DONSON: variants seen among roughly 807,000 people sequenced by gnomAD.
DONSON encodes the protein protein downstream neighbor of Son.
In DONSON, 43 loss-of-function variants were observed where a neutral mutation model predicts 62.1. The ratio of observed to expected loss-of-function variants is 0.69; its 90% CI spans 0.54 to 0.89. DONSON has a LOEUF of 0.89. Ranked by LOEUF, DONSON falls within the 40% of genes least tolerant of loss-of-function variation. DONSON has a pLI of 0.00. For missense variants in DONSON, 696 were observed against 697.5 expected (o/e 1.00, Z 0.03); for synonymous variants, 266 against 264.6 (o/e 1.01, Z -0.05).
rs767918490 is a variant in DONSON, at chr21:33,579,564, T to G, written c.1351-2A>C. 1 of 1,606,730 alleles carries G rather than the reference T, an allele frequency of 6.2e-7. No individual in the cohort carries two copies. On this transcript the variant is annotated splice_acceptor_variant, in intron 8 of 9. Coordinates refer to ENST00000303071, the MANE Select transcript of DONSON (RefSeq NM_017613.4). LOFTEE classifies it high-confidence loss of function. ...TGTCTTCACATTCACACTCCGTGCC[T>G]TCATGAAAATGTAAAGAAAAGGAAA... is the stretch of plus-strand genomic sequence containing the variant.
At chr21:33,580,681 A>C (rs2086497599) in intron 8 of DONSON, among the ~76,000 whole-genome samples, 1 of 151,818 alleles carries the variant, frequency 6.6e-6, no homozygotes, top group African/African-American at 2.4e-5. Flanking sequence ...CAGGAGTTCA[A>C]GACCAGCCTG....
rs924485427 is a variant in DONSON at position 33,581,982 on chromosome 21, T to A, written c.1120A>T (p.Ile374Phe). The stretch of plus-strand genomic sequence containing the variant: ...ATAGAAAGTATGTCTGGCTTTTTAA[T>A]TTTATCTTGCACACCCATCTCTTCC... ...WLEEMGVQDK[I>F]KKPDILSIKL... Residue 374 changes from isoleucine (I) to phenylalanine (F), a missense_variant, in exon 7 of 10, where the codon ATT (isoleucine) becomes TTT (phenylalanine). Physicochemically the swap from Ile to Phe is conservative, Grantham distance 21. Coordinates refer to ENST00000303071, the MANE Select transcript of DONSON (RefSeq NM_017613.4). The A allele has an allele frequency of 6.2e-7, 1 of 1,614,172 alleles. No individual in the cohort carries two copies. Among genetic ancestry groups the A allele is most frequent in the Admixed American group, 1.7e-5 (1 of 60,032 alleles).
intron 8 of DONSON, among the ~76,000 whole-genome samples, chr21:33,580,503 AAGC>A (rs2086495307): frequency 1.6e-5 from 2 of 124,866 alleles, no homozygotes; most frequent in East Asian, 4.6e-4. Flanking sequence ...AAAAAAAAAA[AAGC>A]AGGGCATGGC....
At chr21:33,581,242 G>T (rs999000132) in intron 8 of DONSON, 60 bp downstream of exon 8, 33 of 1,467,684 alleles carry the variant, frequency 2.2e-5, no homozygotes, top group South Asian at 1.3e-5. Context: ...TTTAAATCAA[G>T]AATTTATCCT....
chr21:33,581,537 C>T (rs779438610), intron 7 of DONSON, 37 bp from the exon 8 acceptor site: 3 of 1,568,630 alleles, frequency 1.9e-6, no homozygotes, highest in South Asian at 1.1e-5. Context: ...AAAAGCAAAT[C>T]TCACCTAATG....
At chr21:33,578,689 A>G (rs555349154) in intron 9 of DONSON, among the ~76,000 whole-genome samples, 1 of 152,182 alleles carries the variant, frequency 6.6e-6, no homozygotes, top group Non-Finnish European at 1.5e-5. Context: ...AACCTTAAGT[A>G]TGTTCAAAAT....
chr21:33,578,164 AAC>A lies in DONSON; in HGVS notation c.*141_*142del, dbSNP rs747332747. ...TAAAAATCTAATCTGAAAATAGTAA[AAC>A]ACATTTAAAACCTTAGATGCTACTG... On this transcript the variant is annotated 3_prime_UTR_variant, in exon 10 of 10. Transcript: ENST00000303071. 8.0e-5 allele frequency: 67 copies of A among 840,154 alleles called. No individual in the cohort carries two copies. Among genetic ancestry groups the A allele is most frequent in the Middle Eastern group, 3.8e-4 (1 of 2,652 alleles). 52.0% of individuals were successfully genotyped at this position (840,154 alleles called of 1,614,324 possible).
intron 8 of DONSON, among the ~76,000 whole-genome samples, chr21:33,580,277 G>A (rs7280365): frequency 6.8e-6 from 1 of 147,396 alleles, no homozygotes; most frequent in African/African-American, 2.5e-5. Context: ...AATGCAGGGC[G>A]GCCAGGTGCA....
intron 9 of DONSON, among the ~76,000 whole-genome samples, chr21:33,578,982 A>G (rs1215281131): frequency 6.6e-6 from 1 of 152,102 alleles, no homozygotes; most frequent in Non-Finnish European, 1.5e-5. Flanking sequence ...TAATAAAGAT[A>G]CAAAAAATAG....
chr21:33,585,815 A>G (rs2086571002), intron 3 of DONSON, among the ~76,000 whole-genome samples, 163 bp downstream of exon 3: 1 of 152,162 alleles, frequency 6.6e-6, no homozygotes, highest in Non-Finnish European at 1.5e-5. Flanking sequence ...AAAGGTATGA[A>G]AGCACCATAA....
At chr21:33,584,909 G>A (rs1601316508) in intron 3 of DONSON, 141 bp from the exon 4 acceptor site, 7 of 669,820 alleles carry the variant, frequency 1.0e-5, no homozygotes, top group Non-Finnish European at 1.3e-5. Flanking sequence ...TTATAGGAAC[G>A]AAAACATAGT....
chr21:33,580,408 A>G (rs560886142), intron 8 of DONSON, among the ~76,000 whole-genome samples: 123 of 146,576 alleles, frequency 8.4e-4, no homozygotes, highest in Non-Finnish European at 1.3e-3. Flanking sequence ...ACAAAAAAAA[A>G]AAAAAATTAG....
intron 2 of DONSON, 55 bp downstream of exon 2, chr21:33,587,467 T>C (rs1230975226): frequency 2.7e-6 from 4 of 1,506,812 alleles, no homozygotes; most frequent in Admixed American, 2.4e-5. Flanking sequence ...GCTCAAATCC[T>C]ATGAAAAAAA....
Position 33,587,488 on chromosome 21 carries a change from A to C in DONSON, c.402+34T>G, listed in dbSNP as rs747460938. The stretch of plus-strand genomic sequence containing the variant: ...ATCCTATGAAAAAAAAGTTTATACA[A>C]ATACACATTCTAATGATATTTAAAA... On this transcript the variant is annotated intron_variant, in intron 2 of 9. Transcript: ENST00000303071. The C allele has an allele frequency of 1.9e-6, 3 of 1,545,222 alleles. No individual in the cohort carries two copies. The Admixed American group carries it at 6.8e-5, about 35-fold the overall frequency.
intron 3 of DONSON, 22 bp from the exon 4 acceptor site, chr21:33,584,790 G>A (rs759843435): frequency 5.5e-6 from 8 of 1,462,968 alleles, no homozygotes; most frequent in African/African-American, 1.4e-5. Context: ...AGGTGACAGT[G>A]GGCAGTTTTT....
chr21:33,588,537 C>G lies in DONSON; in HGVS notation c.105G>C (p.Pro35=), dbSNP rs2015314. 11,495 of 1,251,800 alleles carry G rather than the reference C, an allele frequency of 9.2e-3. 188 individuals carry two copies. Among genetic ancestry groups the G allele is most frequent in the African/African-American group, 0.07 (4,483 of 64,294 alleles). The allele number at this position is 1,251,800 out of a possible 1,614,324, so 77.5% of individuals were successfully genotyped here. A position where few individuals can be genotyped will look rare whatever the true frequency, so the allele number is the denominator to read the frequency against. The change falls in exon 1 of 10, where the codon CCG becomes CCC. Residue 35 remains proline (P), a synonymous_variant. Coordinates refer to ENST00000303071, the MANE Select transcript of DONSON (RefSeq NM_017613.4). Reference sequence around the variant, plus strand: ...CCGCCGGCTCCGTCAGCTCACGGGGCGGGGAGGCGGCAGCTCCACGGCTCC... The same window carrying G: ...CCGCCGGCTCCGTCAGCTCACGGGGGGGGGAGGCGGCAGCTCCACGGCTCC... ...RARSRGAAAS[P]PRELTEPAAR... is the part of the protein sequence containing the mutation.
intron 8 of DONSON, among the ~76,000 whole-genome samples, chr21:33,579,828 A>T (rs1381232275): frequency 6.6e-6 from 1 of 152,212 alleles, no homozygotes; most frequent in Non-Finnish European, 1.5e-5. Context: ...TGATTTAGTA[A>T]TACACTGTCA....
rs1367150016 is a variant in DONSON, at chr21:33,588,437, CGCT to C, written c.202_204del (p.Ser68del). On this transcript the variant is annotated inframe_deletion, in exon 1 of 10. Transcript: ENST00000303071. ...CTCCGAGCAGCGGCCGGGCCGCCGCCGCTGCCACCGCCTCTGCCCCCCGCAGCA... is the reference window on the plus strand; with the variant it reads ...CTCCGAGCAGCGGCCGGGCCGCCGCCGCCACCGCCTCTGCCCCCCGCAGCA... The C allele has an allele frequency of 6.3e-5, 82 of 1,309,962 alleles. No homozygotes were observed. The East Asian group carries it at 2.5e-3, about 39-fold the overall frequency. 81.1% of individuals were successfully genotyped at this position (1,309,962 alleles called of 1,614,324 possible).
chr21:33,586,202 A>T, intron 2 of DONSON, 21 bp from the exon 3 acceptor site: 1 of 1,607,624 alleles, frequency 6.2e-7, no homozygotes, highest in African/African-American at 1.3e-5. Context: ...CAAAGAATGC[A>T]AAAATTAGTC....
Sources: gnomAD v4.1 joint callset for allele counts (sites outside exome capture counted in the v4.1 genomes callset) on GRCh38, gnomAD v4.1.1 for gene constraint, MANE v1.5 for transcripts, NCBI Gene and HGNC (gene_info 2026-07-23, HGNC 2026-07-21) for gene names.